Variants in INPP4B observed in about 807,000 individuals in gnomAD.
INPP4B encodes inositol polyphosphate-4-phosphatase type II B, also known as inositol polyphosphate 4-phosphatase type II.
Under a neutral mutation model 122.5 loss-of-function variants are expected in INPP4B, and 55 were observed. That is an observed-to-expected ratio of 0.45 (90% CI 0.36 to 0.56). The LOEUF is 0.56. Ranked by LOEUF, INPP4B falls within the 20% of genes least tolerant of loss-of-function variation. The pLI, the probability that INPP4B is intolerant of heterozygous loss-of-function variation, is 0.00. For missense variants in INPP4B, 1,000 were observed against 1,097.7 expected (o/e 0.91, Z 1.26); for synonymous variants, 403 against 388.7 (o/e 1.04, Z -0.43).
chr4:142,767,818 G>T (rs1392048465), intron 1 of INPP4B: 1 of 152,176 alleles, frequency 6.6e-6, no homozygotes, highest in Non-Finnish European at 1.5e-5. Context: ...TGGGAAGCTA[G>T]AGAATTTACC....
Position 142,145,956 on chromosome 4 carries a change from A to AT in INPP4B, c.1603dup (p.Ile535AsnfsTer10), listed in dbSNP as rs1561281440. 1 of 1,613,852 alleles carries AT rather than the reference A, an allele frequency of 6.2e-7. No individual in the cohort carries two copies. The highest frequency in any genetic ancestry group is 8.5e-7 in the Non-Finnish European group (1 of 1,179,786). Reference sequence around the variant, plus strand: ...AATCAGTTTGTCCACCATAGCAATAATGCAGTTCAGGCTCTTCCCCACATT... The same window carrying AT: ...AATCAGTTTGTCCACCATAGCAATAATTGCAGTTCAGGCTCTTCCCCACATT... On this transcript the variant is annotated frameshift_variant, in exon 18 of 26. Transcript: ENST00000262992. LOFTEE classifies it high-confidence loss of function.
chr4:142,624,142 A>T (rs1440701485), intron 2 of INPP4B, among the ~76,000 whole-genome samples: 7 of 151,552 alleles, frequency 4.6e-5, no homozygotes, highest in African/African-American at 1.7e-4. Context: ...AGGAATCGCC[A>T]CACTGACTTC....
At chr4:142,090,500 G>T (rs527723555) in intron 23 of INPP4B, among the ~76,000 whole-genome samples, 1 of 151,786 alleles carries the variant, frequency 6.6e-6, no homozygotes, top group African/African-American at 2.4e-5. Context: ...TAATAGGTGA[G>T]GTTTCAAGAT....
At chr4:142,580,920 C>T (rs1010826537) in intron 2 of INPP4B, among the ~76,000 whole-genome samples, 8 of 152,026 alleles carry the variant, frequency 5.3e-5, no homozygotes, top group African/African-American at 1.9e-4. Context: ...ATTACATGAA[C>T]TCTGGCCCAG....
intron 2 of INPP4B, among the ~76,000 whole-genome samples, chr4:142,471,057 T>C (rs1818726611): frequency 6.6e-6 from 1 of 152,336 alleles, no homozygotes; most frequent in Non-Finnish European, 1.5e-5. Context: ...TTTATGACTA[T>C]GGTTTGTGTA....
chr4:142,730,965 T>A (rs77606952), intron 1 of INPP4B, among the ~76,000 whole-genome samples: 10 of 151,512 alleles, frequency 6.6e-5, no homozygotes, highest in African/African-American at 9.7e-5. Context: ...AGTTTTTTTT[T>A]AAATTTAATT....
intron 9 of INPP4B, among the ~76,000 whole-genome samples, chr4:142,301,301 G>A (rs568638345): frequency 8.5e-4 from 130 of 152,114 alleles, no homozygotes; most frequent in South Asian, 1.5e-3. Context: ...CTATGTTGCA[G>A]GCAGATAAAA....
intron 1 of INPP4B, among the ~76,000 whole-genome samples, chr4:142,767,304 C>T (rs1166678608): frequency 2.0e-5 from 3 of 152,152 alleles, no homozygotes; most frequent in Non-Finnish European, 4.4e-5. Flanking sequence ...TATGCCCTTG[C>T]TTCCAAACCT....
chr4:142,626,926 C>G (rs1271956001), intron 2 of INPP4B, among the ~76,000 whole-genome samples: 1 of 152,010 alleles, frequency 6.6e-6, no homozygotes, highest in Non-Finnish European at 1.5e-5. Flanking sequence ...GCTGTGTTTT[C>G]TCAATGTATT....
intron 7 of INPP4B, among the ~76,000 whole-genome samples, chr4:142,373,572 T>C (rs1013340895): frequency 6.6e-6 from 1 of 151,906 alleles, no homozygotes; most frequent in Non-Finnish European, 1.5e-5. Flanking sequence ...TGTGCCTCAA[T>C]TTCCTCATCT....
At chr4:142,194,242 C>T (rs1434483387) in intron 14 of INPP4B, among the ~76,000 whole-genome samples, 4 of 152,038 alleles carry the variant, frequency 2.6e-5, no homozygotes, top group Non-Finnish European at 4.4e-5. Flanking sequence ...CAAACCAACC[C>T]GTCAATAAGG....
At chr4:142,601,188 G>A (rs553295884) in intron 2 of INPP4B, among the ~76,000 whole-genome samples, 15 of 151,926 alleles carry the variant, frequency 9.9e-5, no homozygotes, top group African/African-American at 2.9e-4. Context: ...AAGAAAAACC[G>A]GACTTTAGAT....
chr4:142,398,401 AAT>A (rs1206023677), intron 7 of INPP4B, among the ~76,000 whole-genome samples: 468 of 28,382 alleles, frequency 0.016, no homozygotes, highest in Non-Finnish European at 0.021. Flanking sequence ...AAAAAAAAAA[AAT>A]ATATATATAT....
chr4:142,654,367 T>TAAAAAAAAAA (rs10677341), intron 2 of INPP4B: 465 of 100,222 alleles, frequency 4.6e-3, no homozygotes, highest in East Asian at 5.9e-3. Context: ...ACTTAAAGTA[T>TAAAAAAAAAA]AAAAAAAAAA....
intron 1 of INPP4B, among the ~76,000 whole-genome samples, chr4:142,753,064 T>C (rs945159919): frequency 3.9e-5 from 6 of 152,134 alleles, no homozygotes; most frequent in African/African-American, 1.2e-4. Flanking sequence ...AGACACATGA[T>C]AAAGCCTTTA....
intron 2 of INPP4B, among the ~76,000 whole-genome samples, chr4:142,463,157 A>T (rs1185375058): frequency 6.6e-6 from 1 of 152,242 alleles, no homozygotes; most frequent in Non-Finnish European, 1.5e-5. Flanking sequence ...AAAACCTCTG[A>T]ACTCCTGGAA....
chr4:142,368,383 A>AC (rs1788385746), intron 7 of INPP4B, among the ~76,000 whole-genome samples: 1 of 152,032 alleles, frequency 6.6e-6, no homozygotes, highest in South Asian at 2.1e-4. Context: ...CCAATATTCA[A>AC]CTTTTTGGGC....
chr4:142,557,763 T>C (rs1729537350), intron 2 of INPP4B, among the ~76,000 whole-genome samples: 1 of 152,174 alleles, frequency 6.6e-6, no homozygotes, highest in Non-Finnish European at 1.5e-5. Context: ...TTATATTCCA[T>C]ATAAAAAGGA....
chr4:142,164,861 G>T (rs1425147390), intron 16 of INPP4B, among the ~76,000 whole-genome samples: 1 of 151,706 alleles, frequency 6.6e-6, no homozygotes, highest in African/African-American at 2.4e-5. Context: ...GCTTCCCAAA[G>T]TGCTAGGATT....
Sources: gnomAD v4.1 joint callset for allele counts (sites outside exome capture counted in the v4.1 genomes callset) on GRCh38, gnomAD v4.1.1 for gene constraint, MANE v1.5 for transcripts, NCBI Gene and HGNC (gene_info 2026-07-23, HGNC 2026-07-21) for gene names.